The following CHCHD6 variants were observed in gnomAD, a reference collection of about 807,000 sequenced individuals.
CHCHD6 encodes coiled-coil-helix-coiled-coil-helix domain containing 6.
In CHCHD6, 28 loss-of-function variants were observed where a neutral mutation model predicts 32.3. That is an observed-to-expected ratio of 0.87 (90% CI 0.64 to 1.19). CHCHD6 has a LOEUF of 1.19. Among genes scored for constraint, CHCHD6 ranks in the 50% most tolerant of loss-of-function variants. The pLI is 0.00. For missense variants in CHCHD6, 333 were observed against 307.0 expected (o/e 1.08, Z -0.63); for synonymous variants, 122 against 117.5 (o/e 1.04, Z -0.25).
At chr3:126,784,902 C>A (rs1938124895) in intron 4 of CHCHD6, among the ~76,000 whole-genome samples, 1 of 151,924 alleles carries the variant, frequency 6.6e-6, no homozygotes, top group African/African-American at 2.4e-5. Context: ...CTATTGATTC[C>A]TTTTCCTTAG....
At chr3:126,903,812 A>T (rs990557330) in intron 5 of CHCHD6, among the ~76,000 whole-genome samples, 1 of 152,014 alleles carries the variant, frequency 6.6e-6, no homozygotes, top group Non-Finnish European at 1.5e-5. Context: ...CCCTCACATG[A>T]CTTCTATCCA....
chr3:126,718,045 A>AG (rs1316588400), intron 1 of CHCHD6, among the ~76,000 whole-genome samples: 1 of 152,136 alleles, frequency 6.6e-6, no homozygotes, highest in Non-Finnish European at 1.5e-5. Context: ...CTGTTACTCC[A>AG]GGGTGAGGGC....
chr3:126,901,646 C>T (rs1015216681), intron 5 of CHCHD6, among the ~76,000 whole-genome samples: 2 of 152,242 alleles, frequency 1.3e-5, no homozygotes, highest in African/African-American at 2.4e-5. Context: ...CCGACTCAGA[C>T]TACATCTTAG....
intron 4 of CHCHD6, among the ~76,000 whole-genome samples, chr3:126,798,631 C>G (rs946386275): frequency 7.9e-5 from 12 of 152,064 alleles, no homozygotes; most frequent in Admixed American, 1.3e-4. Context: ...TGCTCCGGAA[C>G]CCTCCTGTCA....
intron 4 of CHCHD6, chr3:126,766,447 C>T (rs534883277): frequency 1.3e-4 from 86 of 664,074 alleles, no homozygotes; most frequent in Admixed American, 1.1e-3. Context: ...AAGGGTTTGG[C>T]GGTTGTATTC....
chr3:126,729,066 C>G (rs1303835833), intron 2 of CHCHD6, among the ~76,000 whole-genome samples: 1 of 151,998 alleles, frequency 6.6e-6, no homozygotes, highest in Non-Finnish European at 1.5e-5. Flanking sequence ...AAATGTATGG[C>G]TTGAAGCCAT....
chr3:126,811,330 G>A (rs1407098843), intron 4 of CHCHD6, among the ~76,000 whole-genome samples: 1 of 152,198 alleles, frequency 6.6e-6, no homozygotes, highest in African/African-American at 2.4e-5. Flanking sequence ...AGCTTCAGCT[G>A]ATCACTGCCT....
intron 4 of CHCHD6, among the ~76,000 whole-genome samples, chr3:126,740,340 CCT>C (rs1204277126): frequency 6.6e-6 from 1 of 152,100 alleles, no homozygotes; most frequent in Admixed American, 6.6e-5. Context: ...TTCAGCAGGC[CCT>C]GTGCACTGGT....
intron 4 of CHCHD6, among the ~76,000 whole-genome samples, chr3:126,805,025 A>G (rs1173305829): frequency 6.6e-6 from 1 of 152,202 alleles, no homozygotes; most frequent in Non-Finnish European, 1.5e-5. Context: ...AACTCTCAAT[A>G]AATTAGGTAT....
Position 126,880,135 on chromosome 3 carries a change from T to C in CHCHD6, c.495+27405T>C, listed in dbSNP as rs2077589744. On this transcript the variant is annotated intron_variant, in intron 5 of 7. Transcript: ENST00000290913. ...TTCTCATGTGACAATATACTAGGTGTGATACACCTGGGATAAGAGGAGGGC... is the reference window on the plus strand; with the variant it reads ...TTCTCATGTGACAATATACTAGGTGCGATACACCTGGGATAAGAGGAGGGC... Among the ~76,000 whole-genome samples the C allele has an allele frequency of 2.0e-5, 3 of 152,186 alleles. No homozygotes were observed. In the South Asian group the frequency reaches 6.2e-4, roughly 32 times the overall value.
At chr3:126,737,873 C>G (rs181423759) in intron 4 of CHCHD6, among the ~76,000 whole-genome samples, 2 of 151,954 alleles carry the variant, frequency 1.3e-5, no homozygotes, top group Admixed American at 6.5e-5. Context: ...GGTTGTGGAA[C>G]GACATCCTGA....
At chr3:126,738,168 TAGC>T (rs1936131442) in intron 4 of CHCHD6, among the ~76,000 whole-genome samples, 1 of 152,194 alleles carries the variant, frequency 6.6e-6, no homozygotes, top group Admixed American at 6.5e-5. Flanking sequence ...ATGCTCCAGG[TAGC>T]TGCCACCTTA....
At chr3:126,850,250 A>G (rs1941426000) in intron 4 of CHCHD6, among the ~76,000 whole-genome samples, 1 of 152,248 alleles carries the variant, frequency 6.6e-6, no homozygotes, top group Non-Finnish European at 1.5e-5. Flanking sequence ...TATGGTGCAC[A>G]TCACGGAGTT....
At chr3:126,795,769 C>G (rs1383055230) in intron 4 of CHCHD6, among the ~76,000 whole-genome samples, 1 of 152,114 alleles carries the variant, frequency 6.6e-6, no homozygotes, top group Admixed American at 6.5e-5. Flanking sequence ...TCATTAGGCC[C>G]TGCCACTTCT....
At chr3:126,892,075 G>A (rs574942603) in intron 5 of CHCHD6, among the ~76,000 whole-genome samples, 37 of 152,310 alleles carry the variant, frequency 2.4e-4, no homozygotes, top group African/African-American at 8.9e-4. Flanking sequence ...CATGTTGCAT[G>A]TTTTTTCTCA....
chr3:126,852,826 A>G, intron 5 of CHCHD6, 96 bp downstream of exon 5: 1 of 820,174 alleles, frequency 1.2e-6, no homozygotes, highest in Non-Finnish European at 2.1e-6. Context: ...GAGTCCGCAG[A>G]CCCAGTGCCC....
intron 4 of CHCHD6, among the ~76,000 whole-genome samples, chr3:126,841,256 G>T (rs1359913694): frequency 6.6e-6 from 1 of 152,146 alleles, no homozygotes; most frequent in Admixed American, 6.5e-5. Flanking sequence ...AGTATTCCAT[G>T]GTGTATATGT....
At chr3:126,850,079 G>A (rs1454720949) in intron 4 of CHCHD6, among the ~76,000 whole-genome samples, 1 of 152,174 alleles carries the variant, frequency 6.6e-6, no homozygotes, top group Admixed American at 6.5e-5. Flanking sequence ...AGTTTCTACA[G>A]CCATTTTTCG....
intron 5 of CHCHD6, among the ~76,000 whole-genome samples, chr3:126,869,310 T>TTTTTTTTTTTTTG: frequency 6.7e-6 from 1 of 149,064 alleles, no homozygotes. Flanking sequence ...TTTTTTTTTT[T>TTTTTTTTTTTTTG]GATGACTGTG....
Sources: gnomAD v4.1 joint callset for allele counts (sites outside exome capture counted in the v4.1 genomes callset) on GRCh38, gnomAD v4.1.1 for gene constraint, MANE v1.5 for transcripts, NCBI Gene and HGNC (gene_info 2026-07-23, HGNC 2026-07-21) for gene names.